The following DYNC1I2 variants were observed in gnomAD, a reference collection of about 807,000 sequenced individuals.
DYNC1I2 encodes cytoplasmic dynein 1 intermediate chain 2.
Under a neutral mutation model 88.6 loss-of-function variants are expected in DYNC1I2, and 53 were observed. The ratio of observed to expected loss-of-function variants is 0.60; its 90% CI spans 0.48 to 0.75. The LOEUF is 0.75. Among genes scored for constraint, DYNC1I2 ranks in the 30% least tolerant of loss-of-function variants. The probability of loss-of-function intolerance (pLI) is 0.00; values close to 1 mark genes in which losing one functional copy is unlikely to be tolerated. For synonymous variants in DYNC1I2, 198 were observed against 254.6 expected, an observed-to-expected ratio of 0.78 and a Z score of 2.12; for missense variants, 458 against 766.6, an observed-to-expected ratio of 0.60 and a Z score of 4.75.
rs148622738 is a variant in DYNC1I2 at position 171,732,840 on chromosome 2, C to T, written c.1536+2987C>T. 1.7e-4 allele frequency among the ~76,000 whole-genome samples: 26 copies of T among 152,226 alleles called. 1 individual carries two copies. Among genetic ancestry groups the T allele is most frequent in the African/African-American group, 5.3e-4 (22 of 41,538 alleles). ...TTAGATTGTTGGCCAACTTCCTTTT[C>T]GGTAATTGAAAGTAATCTTTTTTTT... is the stretch of plus-strand genomic sequence containing the variant. On this transcript the variant is annotated intron_variant, in intron 15 of 17. Transcript: ENST00000397119.
At position 171,749,571 on chromosome 2, in the gene DYNC1I2, T is replaced by C. The variant is rs147129132; in HGVS notation, c.*1682T>C. Reference sequence around the variant, plus strand: ...TTTACCTTCAGTTTGTAAAAATGACTAAAAGTAGGGAAAACAAGTGTTAAA... The same window carrying C: ...TTTACCTTCAGTTTGTAAAAATGACCAAAAGTAGGGAAAACAAGTGTTAAA... On this transcript the variant is annotated 3_prime_UTR_variant, in exon 18 of 18. Coordinates refer to ENST00000397119, the MANE Select transcript of DYNC1I2 (RefSeq NM_001378.3). 1.1e-4 allele frequency among the ~76,000 whole-genome samples: 16 copies of C among 152,188 alleles called. No homozygotes were observed. Among genetic ancestry groups the C allele is most frequent in the Non-Finnish European group, 2.1e-4 (14 of 67,950 alleles).
At chr2:171,695,544 G>C (rs1053437985) in intron 3 of DYNC1I2, among the ~76,000 whole-genome samples, 1 of 151,964 alleles carries the variant, frequency 6.6e-6, no homozygotes, top group African/African-American at 2.4e-5. Context: ...TACGTATTTA[G>C]TCATTTATTT....
chr2:171,713,591 G>T lies in DYNC1I2; in HGVS notation c.395+765G>T, dbSNP rs553108361. Among the ~76,000 whole-genome samples the T allele has an allele frequency of 6.6e-5, 10 of 152,136 alleles. No homozygotes were observed. The East Asian group carries it at 1.7e-3, about 26-fold the overall frequency. ...GGTTTTTTAATTTTGTTGACATAGA[G>T]ATAAGATTATCCATCCATTCATTCA... On this transcript the variant is annotated intron_variant, in intron 6 of 17. Transcript: ENST00000397119.
chr2:171,715,657 A>G (rs1423165024), intron 7 of DYNC1I2, among the ~76,000 whole-genome samples: 1 of 152,074 alleles, frequency 6.6e-6, no homozygotes, highest in Non-Finnish European at 1.5e-5. Flanking sequence ...TAACGTTGTA[A>G]GCTGTATGTG....
At chr2:171,715,141 C>T (rs907252914) in intron 6 of DYNC1I2, among the ~76,000 whole-genome samples, 187 bp from the exon 7 acceptor site, 1 of 152,074 alleles carries the variant, frequency 6.6e-6, no homozygotes, top group African/African-American at 2.4e-5. Context: ...TCAGAAATAT[C>T]TTTTGCTTTT....
chr2:171,707,010 A>C (rs1686731070), intron 4 of DYNC1I2: 1 of 536,684 alleles, frequency 1.9e-6, no homozygotes, highest in Non-Finnish European at 3.3e-6. Flanking sequence ...GATGAGATGA[A>C]GATGCATCCT....
chr2:171,711,222 C>T (rs908977929), intron 5 of DYNC1I2, among the ~76,000 whole-genome samples: 2 of 151,970 alleles, frequency 1.3e-5, no homozygotes, highest in African/African-American at 4.8e-5. Context: ...AGGCTGGTCT[C>T]GAACTCCTGA....
At chr2:171,696,341 AATTTCAG>A (rs374879971) in intron 3 of DYNC1I2, among the ~76,000 whole-genome samples, 1 of 152,194 alleles carries the variant, frequency 6.6e-6, no homozygotes, top group African/African-American at 2.4e-5. Context: ...CTGATTAGAG[AATTTCAG>A]ATTTCAGATT....
At chr2:171,706,859 A>G in intron 4 of DYNC1I2, 1 of 403,918 alleles carries the variant, frequency 2.5e-6, no homozygotes, top group Non-Finnish European at 4.4e-6. Flanking sequence ...GAGATTAAAT[A>G]ACTTAATGAA....
chr2:171,696,256 A>G (rs1288258093), intron 3 of DYNC1I2, among the ~76,000 whole-genome samples: 1 of 152,212 alleles, frequency 6.6e-6, no homozygotes, highest in African/African-American at 2.4e-5. Flanking sequence ...AGTATTCCTA[A>G]TCCAAAAATT....
At chr2:171,731,482 G>C (rs1688607251) in intron 15 of DYNC1I2, among the ~76,000 whole-genome samples, 1 of 152,222 alleles carries the variant, frequency 6.6e-6, no homozygotes, top group African/African-American at 2.4e-5. Flanking sequence ...GCCGGGCTCA[G>C]TGGCTCACTC....
intron 1 of DYNC1I2, 22 bp from the exon 2 acceptor site, chr2:171,690,125 A>G (rs185747503): frequency 3.5e-6 from 5 of 1,447,686 alleles, no homozygotes; most frequent in African/African-American, 2.9e-5. Flanking sequence ...TTTTACTAAC[A>G]TAATGATTAT....
At chr2:171,732,453 T>G (rs1688685653) in intron 15 of DYNC1I2, among the ~76,000 whole-genome samples, 1 of 152,316 alleles carries the variant, frequency 6.6e-6, no homozygotes, top group South Asian at 2.1e-4. Flanking sequence ...ATTTAGAAAT[T>G]TGATGATGTT....
chr2:171,733,459 C>CTTTTTTTTTTTTTTTT lies in DYNC1I2; in HGVS notation c.1536+3621_1536+3636dup, dbSNP rs61079902. Among the ~76,000 whole-genome samples, 31 of 55,772 alleles carry CTTTTTTTTTTTTTTTT rather than the reference C, an allele frequency of 5.6e-4. 3 individuals are homozygous for CTTTTTTTTTTTTTTTT. The highest frequency in any genetic ancestry group is 7.3e-4 in the Non-Finnish European group (23 of 31,498). 36.6% of individuals were successfully genotyped at this position (55,772 alleles called of 152,430 possible). ...TTTTTCTCCACAACCTTGCCAGCAT[C>CTTTTTTTTTTTTTTTT]TTTTTTTTTTTTTTTTTTTTTTTTT... On this transcript the variant is annotated intron_variant, in intron 15 of 17. Coordinates refer to ENST00000397119, the MANE Select transcript of DYNC1I2 (RefSeq NM_001378.3).
intron 11 of DYNC1I2, among the ~76,000 whole-genome samples, chr2:171,727,202 C>A (rs1156510972): frequency 6.6e-6 from 1 of 152,048 alleles, no homozygotes; most frequent in African/African-American, 2.4e-5. Flanking sequence ...TAAAAGGAAT[C>A]TTTTATAAAA....
chr2:171,745,671 G>T, intron 16 of DYNC1I2, 131 bp from the exon 17 acceptor site: 1 of 953,166 alleles, frequency 1.0e-6, no homozygotes, highest in Non-Finnish European at 1.6e-6. Flanking sequence ...AAGAAAGTTG[G>T]GGAAATTCTT....
intron 15 of DYNC1I2, among the ~76,000 whole-genome samples, chr2:171,743,432 A>T (rs183085050): frequency 1.3e-5 from 2 of 152,306 alleles, no homozygotes; most frequent in Admixed American, 6.5e-5. Context: ...AATTGTGCCA[A>T]ACTGCCCCCT....
At chr2:171,738,465 A>G (rs1045304718) in intron 15 of DYNC1I2, among the ~76,000 whole-genome samples, 5 of 152,208 alleles carry the variant, frequency 3.3e-5, no homozygotes, top group African/African-American at 7.2e-5. Context: ...ATACTATTCC[A>G]TTATGTAAAT....
intron 3 of DYNC1I2, among the ~76,000 whole-genome samples, chr2:171,705,578 CA>C (rs1303752002): frequency 6.6e-6 from 1 of 152,010 alleles, no homozygotes; most frequent in African/African-American, 2.4e-5. Context: ...AGTAGGCAAA[CA>C]ACTGTTAAGT....
Sources: gnomAD v4.1 joint callset for allele counts (sites outside exome capture counted in the v4.1 genomes callset) on GRCh38, gnomAD v4.1.1 for gene constraint, MANE v1.5 for transcripts, NCBI Gene and HGNC (gene_info 2026-07-23, HGNC 2026-07-21) for gene names.